Variants in CAMKMT observed in about 807,000 individuals in gnomAD.
CAMKMT encodes CaM KMT.
In CAMKMT, 53 loss-of-function variants were observed where a neutral mutation model predicts 48.0. The ratio of observed to expected loss-of-function variants is 1.10; its 90% CI spans 0.89 to 1.39. The LOEUF (loss-of-function observed/expected upper bound fraction) is 1.39. Among genes scored for constraint, CAMKMT ranks in the 40% most tolerant of loss-of-function variants. The pLI is 0.00. For missense variants in CAMKMT, 428 were observed against 402.7 expected (o/e 1.06, Z -0.54); for synonymous variants, 165 against 152.3 (o/e 1.08, Z -0.61).
chr2:44,605,522 A>G (rs988816947), intron 3 of CAMKMT, among the ~76,000 whole-genome samples: 2 of 152,190 alleles, frequency 1.3e-5, no homozygotes, highest in South Asian at 2.1e-4. Context: ...ACACATACAT[A>G]AAGTAATGAG....
At chr2:44,691,974 A>G (rs1573089850) in intron 3 of CAMKMT, among the ~76,000 whole-genome samples, 1 of 152,208 alleles carries the variant, frequency 6.6e-6, no homozygotes, top group Admixed American at 6.5e-5. Context: ...GCACTTAATC[A>G]TATATTGTAC....
At chr2:44,438,353 G>A (rs950135216) in intron 3 of CAMKMT, among the ~76,000 whole-genome samples, 7 of 152,028 alleles carry the variant, frequency 4.6e-5, no homozygotes, top group Non-Finnish European at 1.0e-4. Flanking sequence ...AATATAATTG[G>A]TTTTGAAATT....
intron 3 of CAMKMT, among the ~76,000 whole-genome samples, chr2:44,478,403 A>G (rs1668796792): frequency 6.6e-6 from 1 of 152,160 alleles, no homozygotes; most frequent in Non-Finnish European, 1.5e-5. Flanking sequence ...TATGGTGGAT[A>G]ATATTTTTTA....
At chr2:44,512,926 T>C (rs1670642197) in intron 3 of CAMKMT, among the ~76,000 whole-genome samples, 2 of 152,236 alleles carry the variant, frequency 1.3e-5, no homozygotes, top group African/African-American at 2.4e-5. Flanking sequence ...CCCATCTGTA[T>C]GGATGAAGCC....
At chr2:44,382,500 A>G (rs575099085) in intron 2 of CAMKMT, among the ~76,000 whole-genome samples, 3 of 146,338 alleles carry the variant, frequency 2.1e-5, no homozygotes, top group African/African-American at 5.1e-5. Flanking sequence ...TTTTTTTGAG[A>G]CAGAGTCTCG....
intron 7 of CAMKMT, among the ~76,000 whole-genome samples, chr2:44,720,245 T>C (rs1166031017): frequency 6.6e-6 from 1 of 152,180 alleles, no homozygotes; most frequent in African/African-American, 2.4e-5. Flanking sequence ...TAAACTACAG[T>C]CAATTAAAAA....
intron 3 of CAMKMT, among the ~76,000 whole-genome samples, chr2:44,627,970 T>G (rs1292576430): frequency 6.6e-6 from 1 of 152,100 alleles, no homozygotes; most frequent in Non-Finnish European, 1.5e-5. Flanking sequence ...CCCAGAGTGC[T>G]GGGATTATAG....
chr2:44,595,525 G>A (rs1337897713), intron 3 of CAMKMT, among the ~76,000 whole-genome samples: 2 of 152,304 alleles, frequency 1.3e-5, no homozygotes, highest in East Asian at 3.9e-4. Context: ...AACATTGCAT[G>A]CTCATGGATA....
At chr2:44,749,674 T>C (rs1558834403) in intron 8 of CAMKMT, among the ~76,000 whole-genome samples, 1 of 152,210 alleles carries the variant, frequency 6.6e-6, no homozygotes, top group East Asian at 1.9e-4. Context: ...AACTGAGGCT[T>C]CACATGAAGT....
chr2:44,449,467 C>T (rs1306884204), intron 3 of CAMKMT, among the ~76,000 whole-genome samples: 1 of 152,082 alleles, frequency 6.6e-6, no homozygotes, highest in Non-Finnish European at 1.5e-5. Flanking sequence ...TTCTGCTGTC[C>T]TTTCGGTTTT....
chr2:44,509,256 T>G (rs1670416470), intron 3 of CAMKMT, among the ~76,000 whole-genome samples: 1 of 152,178 alleles, frequency 6.6e-6, no homozygotes, highest in Non-Finnish European at 1.5e-5. Context: ...TATTTTTCTT[T>G]GTTTTTAACT....
At chr2:44,537,041 A>T (rs561010236) in intron 3 of CAMKMT, among the ~76,000 whole-genome samples, 1 of 152,208 alleles carries the variant, frequency 6.6e-6, no homozygotes, top group African/African-American at 2.4e-5. Flanking sequence ...TAAATATCAG[A>T]TCCCAAACTA....
intron 3 of CAMKMT, among the ~76,000 whole-genome samples, chr2:44,436,331 G>A (rs1666250265): frequency 6.6e-6 from 1 of 152,072 alleles, no homozygotes; most frequent in African/African-American, 2.4e-5. Flanking sequence ...GCCCACCTCA[G>A]CCTCCCAAAG....
At chr2:44,407,493 G>T (rs1305974707) in intron 3 of CAMKMT, among the ~76,000 whole-genome samples, 1 of 152,178 alleles carries the variant, frequency 6.6e-6, no homozygotes, top group Non-Finnish European at 1.5e-5. Context: ...ACAGCAGCAG[G>T]TGTCTTTTGC....
intron 3 of CAMKMT, among the ~76,000 whole-genome samples, chr2:44,694,641 G>A (rs1676840347): frequency 6.6e-6 from 1 of 152,170 alleles, no homozygotes; most frequent in Non-Finnish European, 1.5e-5. Context: ...ATATTAAGTA[G>A]ATCACATTGC....
At chr2:44,531,271 G>A (rs751501241) in intron 3 of CAMKMT, among the ~76,000 whole-genome samples, 1 of 151,922 alleles carries the variant, frequency 6.6e-6, no homozygotes, top group South Asian at 2.1e-4. Context: ...AATACACCAG[G>A]GTCACATAGA....
chr2:44,689,425 G>A (rs1676517998), intron 3 of CAMKMT, among the ~76,000 whole-genome samples: 1 of 151,442 alleles, frequency 6.6e-6, no homozygotes, highest in Non-Finnish European at 1.5e-5. Context: ...CAGCCTCCCT[G>A]TAACACGGCA....
In CAMKMT at chr2:44,743,635, G is replaced by T. The variant is rs1286985087; in HGVS notation, c.637G>T (p.Asp213Tyr). The change falls in exon 8 of 11, where the codon GAT becomes TAT. Residue 213 changes from aspartate to tyrosine, a missense_variant. Coordinates refer to ENST00000378494, the MANE Select transcript of CAMKMT (RefSeq NM_024766.5). ...QKISSCVLRWDNETDVSQLEG... is the reference protein window; with the variant it reads ...QKISSCVLRWYNETDVSQLEG... Reference sequence around the variant, plus strand: ...TTTCTCCTCAAGCGTTTTACGATGGGATAATGAGACAGATGTCTCTCAACT... The same window carrying T: ...TTTCTCCTCAAGCGTTTTACGATGGTATAATGAGACAGATGTCTCTCAACT... 1 of 1,612,644 alleles carries T rather than the reference G, an allele frequency of 6.2e-7. No homozygotes were observed. The highest frequency in any genetic ancestry group is 1.7e-5 in the Admixed American group (1 of 59,928).
In CAMKMT at chr2:44,574,814, C is replaced by T. The variant is rs1045314259; in HGVS notation, c.377-129469C>T. Among the ~76,000 whole-genome samples, 4 of 152,164 alleles carry T rather than the reference C, an allele frequency of 2.6e-5. No individual in the cohort carries two copies. The South Asian group carries it at 8.3e-4, about 32-fold the overall frequency. ...AGAGTGCAGTGGCGCGGTCTCGGCT[C>T]ACAGCAACCTCCATCTCCCAGGTTC... On this transcript the variant is annotated intron_variant, in intron 3 of 10. Transcript: ENST00000378494.
Sources: allele counts gnomAD v4.1 joint callset (sites outside exome capture counted in the v4.1 genomes callset), GRCh38; gene constraint gnomAD v4.1.1; transcripts MANE v1.5; gene names NCBI Gene and HGNC (gene_info 2026-07-23, HGNC 2026-07-21).